The following STIM1 variants were observed in gnomAD, a reference collection of about 807,000 sequenced individuals.
STIM1 encodes stromal interaction molecule 1.
STIM1 carries 25 observed loss-of-function variants against 74.7 expected under a neutral mutation model. The observed-to-expected ratio is 0.33, with a 90% CI of 0.24 to 0.47. The LOEUF (loss-of-function observed/expected upper bound fraction) is 0.47. Ranked by LOEUF, STIM1 falls within the 20% of genes least tolerant of loss-of-function variation. The pLI is 1.00. For synonymous variants in STIM1, 328 were observed against 348.8 expected (o/e 0.94, Z 0.66); for missense variants, 728 against 920.8 (o/e 0.79, Z 2.71).
At chr11:3,880,907 C>A (rs770922904) in intron 1 of STIM1, among the ~76,000 whole-genome samples, 1 of 152,176 alleles carries the variant, frequency 6.6e-6, no homozygotes, top group Non-Finnish European at 1.5e-5. Flanking sequence ...TTTAGACTGC[C>A]TGACACACAG....
intron 2 of STIM1, chr11:3,973,323 C>T: frequency 2.2e-6 from 1 of 451,806 alleles, no homozygotes; most frequent in South Asian, 1.7e-5. Flanking sequence ...ACCTCTTTGG[C>T]TAGATGAAAC....
chr11:4,043,771 C>T lies in STIM1; in HGVS notation c.386-11755C>T, dbSNP rs557013338. Among the ~76,000 whole-genome samples the T allele has an allele frequency of 7.4e-4, 113 of 151,914 alleles. 1 individual carries two copies. The highest frequency in any genetic ancestry group is 2.7e-3 in the African/African-American group (111 of 41,440). On this transcript the variant is annotated intron_variant, in intron 3 of 12. Coordinates refer to ENST00000526596, the MANE Select transcript of STIM1 (RefSeq NM_001382567.1). ...GTGGCTCATGCTTGTAATCCCAGCA[C>T]TTTGGGAGGCCAAAGTGGGCGGATC...
chr11:4,061,166 CT>C (rs1285715877), intron 5 of STIM1, among the ~76,000 whole-genome samples: 1 of 152,170 alleles, frequency 6.6e-6, no homozygotes, highest in Non-Finnish European at 1.5e-5. Flanking sequence ...ACAGTAGAAA[CT>C]GCAGGTTAAA....
intron 3 of STIM1, among the ~76,000 whole-genome samples, chr11:4,039,607 G>C (rs1355983088): frequency 2.5e-5 from 3 of 121,028 alleles, no homozygotes; most frequent in Non-Finnish European, 5.4e-5. Flanking sequence ...AAAAAAAAAC[G>C]AAAGAAAGAA....
intron 2 of STIM1, among the ~76,000 whole-genome samples, chr11:4,011,682 G>A (rs1318614843): frequency 3.3e-5 from 5 of 152,026 alleles, no homozygotes; most frequent in African/African-American, 2.4e-5. Context: ...TTGCCCGTTC[G>A]CTCTGCTGAT....
intron 2 of STIM1, among the ~76,000 whole-genome samples, chr11:4,002,209 A>G (rs1430095646): frequency 6.6e-6 from 1 of 150,682 alleles, no homozygotes; most frequent in East Asian, 2.0e-4. Flanking sequence ...ATACCCAGGA[A>G]TTGAACTCAG....
At chr11:4,082,439 G>C (rs1010194369) in intron 8 of STIM1, 88 bp downstream of exon 8, 3 of 1,358,106 alleles carry the variant, frequency 2.2e-6, no homozygotes, top group Non-Finnish European at 3.1e-6. Flanking sequence ...CCCTCTCCCT[G>C]TTCCTCCCAT....
intron 3 of STIM1, among the ~76,000 whole-genome samples, chr11:4,048,293 C>T (rs915218332): frequency 6.6e-6 from 1 of 152,182 alleles, no homozygotes; most frequent in Non-Finnish European, 1.5e-5. Context: ...CTTGGACCTG[C>T]AGTGCTGACT....
chr11:3,882,081 G>A (rs1294652280), intron 1 of STIM1, among the ~76,000 whole-genome samples: 1 of 146,840 alleles, frequency 6.8e-6, no homozygotes, highest in Non-Finnish European at 1.5e-5. Context: ...GCATGTATCA[G>A]CACTTCATTC....
chr11:4,036,188 G>A (rs548402916), intron 3 of STIM1, among the ~76,000 whole-genome samples: 6 of 152,040 alleles, frequency 3.9e-5, no homozygotes, highest in African/African-American at 7.2e-5. Flanking sequence ...ACATGATCTC[G>A]TTCCTTTTCA....
chr11:3,911,907 T>C (rs1271216158), intron 1 of STIM1, among the ~76,000 whole-genome samples: 1 of 152,092 alleles, frequency 6.6e-6, no homozygotes, highest in Non-Finnish European at 1.5e-5. Context: ...ACTGCTTTGC[T>C]GTTGTTGTTG....
In STIM1 at chr11:4,091,946, C is replaced by T. The variant is rs1275677463; in HGVS notation, c.*148C>T. 1 of 1,073,566 alleles carries T rather than the reference C, an allele frequency of 9.3e-7. No individual in the cohort carries two copies. The highest frequency in any genetic ancestry group is 1.4e-6 in the Non-Finnish European group (1 of 732,488). The allele number at this position is 1,073,566 out of a possible 1,614,324, so 66.5% of individuals were successfully genotyped here. Reference sequence around the variant, plus strand: ...TCTGGGCACTGTACATACCTGCCCCCTCATCCTTGGGTCCTTCATTATTAT... The same window carrying T: ...TCTGGGCACTGTACATACCTGCCCCTTCATCCTTGGGTCCTTCATTATTAT... On this transcript the variant is annotated 3_prime_UTR_variant, in exon 13 of 13. Coordinates refer to ENST00000526596, the MANE Select transcript of STIM1 (RefSeq NM_001382567.1).
chr11:3,875,167 GT>G (rs1262958042), intron 1 of STIM1, among the ~76,000 whole-genome samples: 1 of 152,050 alleles, frequency 6.6e-6, no homozygotes, highest in Non-Finnish European at 1.5e-5. Context: ...TGTTTGGTTG[GT>G]TTTTTGCAAA....
intron 7 of STIM1, among the ~76,000 whole-genome samples, chr11:4,076,485 C>CAAAAA (rs58804386): frequency 2.5e-4 from 10 of 40,764 alleles, no homozygotes; most frequent in African/African-American, 4.5e-4. Flanking sequence ...GACTCCATCT[C>CAAAAA]AAAAAAAAAA....
At chr11:3,872,121 C>T (rs959501844) in intron 1 of STIM1, among the ~76,000 whole-genome samples, 4 of 151,348 alleles carry the variant, frequency 2.6e-5, no homozygotes, top group Non-Finnish European at 5.9e-5. Context: ...GGTGTGATCT[C>T]GGCCCATTGC....
At chr11:3,873,345 G>T (rs922811263) in intron 1 of STIM1, among the ~76,000 whole-genome samples, 2 of 150,932 alleles carry the variant, frequency 1.3e-5, no homozygotes, top group African/African-American at 4.9e-5. Flanking sequence ...TTGAACCCGG[G>T]AGGCGTAGGT....
chr11:4,032,352 A>G (rs182224342), intron 3 of STIM1, among the ~76,000 whole-genome samples: 114 of 152,340 alleles, frequency 7.5e-4, no homozygotes, highest in African/African-American at 2.6e-3. Context: ...AGTTGTTTGT[A>G]TAAGTGTGAG....
chr11:3,881,372 TATTTA>T (rs533147610), intron 1 of STIM1, among the ~76,000 whole-genome samples: 226 of 152,230 alleles, frequency 1.5e-3, no homozygotes, highest in Non-Finnish European at 2.3e-3. Flanking sequence ...TATTTTATTT[TATTTA>T]TTTATTTTTT....
In STIM1 at chr11:3,975,631, A is replaced by AGAAGAAG. The variant is rs113491576; in HGVS notation, c.270+7971_270+7977dup. Among the ~76,000 whole-genome samples the AGAAGAAG allele has an allele frequency of 3.0e-4, 45 of 152,136 alleles. No homozygotes were observed. The East Asian group carries it at 5.4e-3, about 18-fold the overall frequency. ...AGACTCTGCCTCAAAAAAAAGAAGA[A>AGAAGAAG]GAAGAAGGAAGAAGGAAGAAGGAAG... On this transcript the variant is annotated intron_variant, in intron 2 of 12. Coordinates refer to ENST00000526596, the MANE Select transcript of STIM1 (RefSeq NM_001382567.1).
Sources: allele counts gnomAD v4.1 joint callset (sites outside exome capture counted in the v4.1 genomes callset), GRCh38; gene constraint gnomAD v4.1.1; transcripts MANE v1.5; gene names NCBI Gene and HGNC (gene_info 2026-07-23, HGNC 2026-07-21).